Variants in KLRG2 observed in about 807,000 individuals in gnomAD.
KLRG2 encodes the protein killer cell lectin like receptor G2.
KLRG2 carries 39 observed loss-of-function variants against 35.4 expected under a neutral mutation model. That is an observed-to-expected ratio of 1.10 (90% CI 0.85 to 1.44). KLRG2 has a LOEUF of 1.44. KLRG2 is among the 40% of genes most tolerant of loss of function. KLRG2 has a pLI of 0.00. For missense variants in KLRG2, 632 were observed against 570.9 expected, an observed-to-expected ratio of 1.11 and a Z score of -1.09; for synonymous variants, 283 against 265.8, an observed-to-expected ratio of 1.06 and a Z score of -0.63.
At chr7:139,477,421 A>C (rs1796869718) in intron 3 of KLRG2, among the ~76,000 whole-genome samples, 1 of 152,214 alleles carries the variant, frequency 6.6e-6, no homozygotes, top group Non-Finnish European at 1.5e-5. Context: ...ATTCTCATAC[A>C]GGCTACGACA....
the KLRG2 span, among the ~76,000 whole-genome samples, chr7:139,445,581 G>A: frequency 1.3e-5 from 2 of 151,442 alleles, no homozygotes; most frequent in African/African-American, 4.9e-5. Flanking sequence ...AGGCCTGACA[G>A]GTGGCAGGGG....
chr7:139,462,893 G>A (rs1796590650), intron 3 of KLRG2, among the ~76,000 whole-genome samples: 1 of 151,978 alleles, frequency 6.6e-6, no homozygotes, highest in African/African-American at 2.4e-5. Flanking sequence ...CTTTTCTACA[G>A]ACCCATCTGA....
At chr7:139,430,355 T>C in the KLRG2 span, among the ~76,000 whole-genome samples, 3 of 151,872 alleles carry the variant, frequency 2.0e-5, no homozygotes, top group Admixed American at 6.6e-5. Flanking sequence ...TGAGCCGAGA[T>C]TGAGCCATTG....
chr7:139,482,408 T>C (rs1427976259), intron 1 of KLRG2, among the ~76,000 whole-genome samples: 1 of 152,038 alleles, frequency 6.6e-6, no homozygotes, highest in Non-Finnish European at 1.5e-5. Flanking sequence ...TCTTTTTTTT[T>C]TGAGACGGAG....
At chr7:139,446,062 T>G in the KLRG2 span, among the ~76,000 whole-genome samples, 1 of 151,952 alleles carries the variant, frequency 6.6e-6, no homozygotes, top group African/African-American at 2.4e-5. Context: ...AGGCTGATCT[T>G]AAACTCCTGA....
chr7:139,469,904 C>A (rs938892294), intron 3 of KLRG2, among the ~76,000 whole-genome samples: 1 of 152,122 alleles, frequency 6.6e-6, no homozygotes, highest in African/African-American at 2.4e-5. Context: ...CACTGTGGGG[C>A]GTAAGGAGTA....
the KLRG2 span, among the ~76,000 whole-genome samples, chr7:139,443,853 G>C: frequency 1.4e-4 from 22 of 152,290 alleles, no homozygotes; most frequent in African/African-American, 5.1e-4. Context: ...ACTATCACTA[G>C]GTTAAGTCCC....
intron 1 of KLRG2, among the ~76,000 whole-genome samples, chr7:139,481,541 G>T: frequency 6.6e-6 from 1 of 152,134 alleles, no homozygotes; most frequent in East Asian, 1.9e-4. Flanking sequence ...CCTGCTGGGC[G>T]GGGCTCTGAC....
chr7:139,443,587 A>G, the KLRG2 span, among the ~76,000 whole-genome samples: 1 of 151,850 alleles, frequency 6.6e-6, no homozygotes, highest in African/African-American at 2.4e-5. Flanking sequence ...TTTGAGATGG[A>G]GTCTTGCCCT....
chr7:139,430,807 G>A, the KLRG2 span, among the ~76,000 whole-genome samples: 7 of 152,050 alleles, frequency 4.6e-5, no homozygotes, highest in African/African-American at 1.4e-4. Flanking sequence ...TCAGCAGTTC[G>A]AAACCAGCCT....
chr7:139,452,266 G>A (rs577338931), downstream of KLRG2, among the ~76,000 whole-genome samples: 4 of 152,094 alleles, frequency 2.6e-5, no homozygotes, highest in East Asian at 5.8e-4. Context: ...ATGAGCCACC[G>A]TGCCCGGCCT....
chr7:139,479,887 GC>G, intron 2 of KLRG2, 115 bp from the exon 3 acceptor site: 10 of 1,214,750 alleles, frequency 8.2e-6, no homozygotes, highest in Non-Finnish European at 9.1e-6. Flanking sequence ...GGTGGGCAGG[GC>G]CCCAGGGAGC....
rs181876589 is a variant in KLRG2, at chr7:139,468,282, A to G, written c.1005+11345T>C. On this transcript the variant is annotated intron_variant, in intron 3 of 4. Transcript: ENST00000340940. The stretch of plus-strand genomic sequence containing the variant: ...CCTGGGCCCCCTTATTTCTTTCTCT[A>G]TACTTTGTCTCTGTGTCTTTTTCTT... Among the ~76,000 whole-genome samples the G allele has an allele frequency of 4.2e-3, 632 of 151,970 alleles. 6 individuals carry two copies. The highest frequency in any genetic ancestry group is 0.015 in the African/African-American group (607 of 41,332).
intron 3 of KLRG2, among the ~76,000 whole-genome samples, chr7:139,470,851 T>C (rs542944971): frequency 2.2e-4 from 33 of 152,116 alleles, no homozygotes; most frequent in African/African-American, 7.2e-4. Context: ...CTTTTTTTTT[T>C]TTTTAATTTG....
chr7:139,483,283 C>T lies in KLRG2; in HGVS notation c.360G>A (p.Ala120=), dbSNP rs1242451688. ...PGAEPAPSAW[A]PMELQVDVRV... is the part of the protein sequence containing the mutation. ...GCACATCTACCTGCAGCTCCATGGG[C>T]GCCCAGGCGCTGGGCGCAGGCTCAG... The change falls in exon 1 of 5, where the codon GCG becomes GCA. Residue 120 remains alanine (A), a synonymous_variant. Coordinates refer to ENST00000340940, the MANE Select transcript of KLRG2 (RefSeq NM_198508.4). 3 of 1,558,938 alleles carry T rather than the reference C, an allele frequency of 1.9e-6. No homozygotes were observed. The highest frequency in any genetic ancestry group is 2.6e-6 in the Non-Finnish European group (3 of 1,164,094).
At chr7:139,466,790 G>A (rs997879917) in intron 3 of KLRG2, among the ~76,000 whole-genome samples, 8 of 149,468 alleles carry the variant, frequency 5.4e-5, no homozygotes, top group Non-Finnish European at 1.0e-4. Context: ...ATTTTTAAAT[G>A]AACAGTGCTG....
chr7:139,451,966 C>CT (rs58186917), downstream of KLRG2, among the ~76,000 whole-genome samples: 29,216 of 117,196 alleles, frequency 0.25, 4,717 homozygotes, highest in African/African-American at 0.35. Context: ...TTTCCATGTC[C>CT]TTTTTTTTTT....
rs761482823 is a variant in KLRG2 at position 139,483,235 on chromosome 7, G to A, written c.408C>T (p.Ala136=). 8 of 1,540,414 alleles carry A rather than the reference G, an allele frequency of 5.2e-6. No individual in the cohort carries two copies. In the East Asian group the frequency reaches 1.5e-4, roughly 30 times the overall value. The part of the protein sequence containing the change: ...VDVRVKPVGA[A]GGSSTPSPRP... ...TGGGCGATGGCGTGCTGCTGCCACCGGCCGCGCCCACGGGCTTCACGCGCA... is the reference window on the plus strand; with the variant it reads ...TGGGCGATGGCGTGCTGCTGCCACCAGCCGCGCCCACGGGCTTCACGCGCA... The change falls in exon 1 of 5, where the codon GCC becomes GCT. Residue 136 remains alanine (A), a synonymous_variant. Coordinates refer to ENST00000340940, the MANE Select transcript of KLRG2 (RefSeq NM_198508.4).
chr7:139,461,874 T>A (rs892202934), intron 3 of KLRG2, among the ~76,000 whole-genome samples: 2 of 152,174 alleles, frequency 1.3e-5, no homozygotes, highest in African/African-American at 2.4e-5. Context: ...TTTGGTGCCA[T>A]GACTCGGATC....
Sources: allele counts gnomAD v4.1 joint callset (sites outside exome capture counted in the v4.1 genomes callset), GRCh38; gene constraint gnomAD v4.1.1; transcripts MANE v1.5; gene names NCBI Gene and HGNC (gene_info 2026-07-23, HGNC 2026-07-21).